PHF21B: variants seen among roughly 807,000 people sequenced by gnomAD.
The protein encoded by PHF21B is PHD finger protein 21B, also known as PHD finger protein 4.
In PHF21B, 22 loss-of-function variants were observed where a neutral mutation model predicts 62.2. The ratio of observed to expected loss-of-function variants is 0.35; its 90% CI spans 0.25 to 0.51. The LOEUF (loss-of-function observed/expected upper bound fraction) is 0.51. Ranked by LOEUF, PHF21B falls within the 20% of genes least tolerant of loss-of-function variation. The pLI, the probability that PHF21B is intolerant of heterozygous loss-of-function variation, is 0.97. For missense variants in PHF21B, 701 were observed against 707.9 expected (o/e 0.99, Z 0.11); for synonymous variants, 341 against 314.7 (o/e 1.08, Z -0.88).
intron 2 of PHF21B, among the ~76,000 whole-genome samples, chr22:44,949,318 A>AAAAAAAAAAAG: frequency 6.9e-6 from 1 of 144,872 alleles, no homozygotes; most frequent in Non-Finnish European, 1.5e-5. Flanking sequence ...AAGAAAAAAA[A>AAAAAAAAAAAG]AAAAAAAGAA....
At chr22:44,926,840 T>C (rs1032862677) in intron 2 of PHF21B, among the ~76,000 whole-genome samples, 10 of 152,116 alleles carry the variant, frequency 6.6e-5, no homozygotes, top group Admixed American at 2.6e-4. Flanking sequence ...TGTTGCCATG[T>C]GGGCCGGGAG....
At chr22:45,006,313 G>A (rs982822928) in intron 2 of PHF21B, among the ~76,000 whole-genome samples, 3 of 152,150 alleles carry the variant, frequency 2.0e-5, no homozygotes, top group Non-Finnish European at 4.4e-5. Flanking sequence ...TCATTTAAAA[G>A]GGAAACATTT....
intron 5 of PHF21B, among the ~76,000 whole-genome samples, chr22:44,899,352 A>G (rs2071117218): frequency 1.5e-5 from 2 of 131,278 alleles, no homozygotes; most frequent in South Asian, 2.3e-4. Flanking sequence ...GTGCAGTGGC[A>G]TGATCTCAGC....
intron 2 of PHF21B, chr22:45,001,140 G>A (rs936024928): frequency 6.6e-6 from 1 of 152,348 alleles, no homozygotes; most frequent in Non-Finnish European, 1.5e-5. Context: ...ATGAGCAGGG[G>A]GCTAACATGG....
At chr22:44,969,110 G>A (rs1418801209) in intron 2 of PHF21B, 1 of 152,292 alleles carries the variant, frequency 6.6e-6, no homozygotes, top group Non-Finnish European at 1.5e-5. Context: ...GGAGCTCACT[G>A]GCATAGGGTT....
At chr22:45,003,058 C>G (rs112239434) in intron 2 of PHF21B, 1 of 152,240 alleles carries the variant, frequency 6.6e-6, no homozygotes, top group Non-Finnish European at 1.5e-5. Context: ...TCCAGAAGTT[C>G]CTTGAAACTG....
chr22:44,916,521 T>C lies in PHF21B; in HGVS notation c.323A>G (p.Asn108Ser). The C allele has an allele frequency of 6.2e-7, 1 of 1,608,826 alleles. No individual in the cohort carries two copies. The highest frequency in any genetic ancestry group is 8.5e-7 in the Non-Finnish European group (1 of 1,179,708). Residue 108 changes from asparagine (N) to serine (S), a missense_variant, in exon 4 of 13, where the codon AAC (asparagine) becomes AGC (serine). Transcript: ENST00000313237. ...GGCGGTGGGGAGGGCTGGGCTGGGG[T>C]TCTTGACGCTGACCACGGTGGCCTT... The part of the protein sequence containing the change: ...FQKATVVSVK[N>S]PSPALPTANN...
At chr22:44,969,712 C>T (rs2072600595) in intron 2 of PHF21B, among the ~76,000 whole-genome samples, 1 of 152,136 alleles carries the variant, frequency 6.6e-6, no homozygotes, top group South Asian at 2.1e-4. Flanking sequence ...TTGAGGATTG[C>T]AGATGAGGTG....
At chr22:44,909,342 A>G (rs555724748) in intron 5 of PHF21B, among the ~76,000 whole-genome samples, 169 of 152,220 alleles carry the variant, frequency 1.1e-3, no homozygotes, top group Admixed American at 5.2e-3. Flanking sequence ...AAGAGAGGAC[A>G]GAAGGGTCAT....
intron 2 of PHF21B, among the ~76,000 whole-genome samples, chr22:44,972,445 G>A (rs1166697827): frequency 6.6e-6 from 1 of 152,218 alleles, no homozygotes; most frequent in Non-Finnish European, 1.5e-5. Flanking sequence ...CTGCTGCTCA[G>A]TGGAACGAGG....
chr22:44,924,086 A>T (rs2071588313), intron 2 of PHF21B, among the ~76,000 whole-genome samples: 1 of 81,062 alleles, frequency 1.2e-5, no homozygotes, highest in African/African-American at 3.8e-5. Flanking sequence ...GGAAGAGGGG[A>T]GGAAGGAGGA....
chr22:44,924,028 A>AG (rs2071584911), intron 2 of PHF21B, among the ~76,000 whole-genome samples: 1 of 138,020 alleles, frequency 7.2e-6, no homozygotes, highest in Non-Finnish European at 1.6e-5. Flanking sequence ...AAGATGAAGA[A>AG]GAAAGAAGAA....
chr22:44,940,384 A>AC (rs1402039945), intron 2 of PHF21B, among the ~76,000 whole-genome samples: 1 of 152,206 alleles, frequency 6.6e-6, no homozygotes, highest in Non-Finnish European at 1.5e-5. Flanking sequence ...CATCACAGGC[A>AC]CCCCTTGTCC....
At chr22:44,962,104 G>A (rs1360450846) in intron 2 of PHF21B, among the ~76,000 whole-genome samples, 1 of 152,086 alleles carries the variant, frequency 6.6e-6, no homozygotes, top group Non-Finnish European at 1.5e-5. Flanking sequence ...GTAGAATGAT[G>A]TATTTTCTTT....
intron 2 of PHF21B, among the ~76,000 whole-genome samples, chr22:44,924,301 G>A (rs1038604466): frequency 6.6e-6 from 1 of 152,234 alleles, no homozygotes; most frequent in Non-Finnish European, 1.5e-5. Context: ...AGGATGTAGA[G>A]CAAATGGAAC....
At chr22:44,935,291 C>T (rs895844196) in intron 2 of PHF21B, among the ~76,000 whole-genome samples, 11 of 152,154 alleles carry the variant, frequency 7.2e-5, no homozygotes, top group African/African-American at 2.4e-4. Context: ...GGAGAACTAA[C>T]GTTCACACAG....
intron 2 of PHF21B, among the ~76,000 whole-genome samples, chr22:44,940,186 G>C (rs754742877): frequency 3.3e-4 from 50 of 152,142 alleles, no homozygotes; most frequent in Admixed American, 8.5e-4. Context: ...CAGTTTTTCC[G>C]CACCTCCTCT....
At chr22:44,933,716 A>AAGAGAG (rs752277912) in intron 2 of PHF21B, among the ~76,000 whole-genome samples, 1 of 148,360 alleles carries the variant, frequency 6.7e-6, no homozygotes, top group African/African-American at 2.5e-5. Flanking sequence ...TCGTGCAGAT[A>AAGAGAG]AGAGAGAGAG....
intron 2 of PHF21B, among the ~76,000 whole-genome samples, chr22:44,985,906 GCAC>G (rs932241434): frequency 1.0e-4 from 14 of 140,340 alleles, no homozygotes; most frequent in Admixed American, 7.1e-4. Context: ...ATCACCATGA[GCAC>G]CACCATCACC....
Sources: allele counts gnomAD v4.1 joint callset (sites outside exome capture counted in the v4.1 genomes callset), GRCh38; gene constraint gnomAD v4.1.1; transcripts MANE v1.5; gene names NCBI Gene and HGNC (gene_info 2026-07-23, HGNC 2026-07-21).